TBC1D2: variants seen among roughly 807,000 people sequenced by gnomAD.
TBC1D2 encodes the protein TBC1 domain family member 2.
In TBC1D2, 58 loss-of-function variants were observed where a neutral mutation model predicts 91.1. The ratio of observed to expected loss-of-function variants is 0.64; its 90% CI spans 0.52 to 0.79. The LOEUF (loss-of-function observed/expected upper bound fraction) is 0.79, where lower values mean the gene tolerates loss of function less well. Ranked by LOEUF, TBC1D2 falls within the 30% of genes least tolerant of loss-of-function variation. The pLI is 0.00. For synonymous variants in TBC1D2, 482 were observed against 511.5 expected (o/e 0.94, Z 0.78); for missense variants, 1,080 against 1,208.3 (o/e 0.89, Z 1.57).
chr9:98,252,582 G>C (rs1288772553), intron 1 of TBC1D2, among the ~76,000 whole-genome samples: 1 of 152,182 alleles, frequency 6.6e-6, no homozygotes, highest in Non-Finnish European at 1.5e-5. Context: ...AATAACTCCT[G>C]GATTCTTCAG....
At chr9:98,254,109 G>A (rs1829925985) in intron 1 of TBC1D2, among the ~76,000 whole-genome samples, 1 of 152,166 alleles carries the variant, frequency 6.6e-6, no homozygotes, top group Non-Finnish European at 1.5e-5. Context: ...GTCAGTAAAG[G>A]AGAACTGAAC....
Position 98,233,553 on chromosome 9 carries a change from A to C in TBC1D2, c.648-4T>G. The C allele has an allele frequency of 6.2e-7, 1 of 1,613,852 alleles. No individual in the cohort carries two copies. Among genetic ancestry groups the C allele is most frequent in the Non-Finnish European group, 8.5e-7 (1 of 1,179,850 alleles). ...ACGGATGTTGTGCATTGTGTTCCTG[A>C]AAGGAGACAAGAACAGAGGAGCATG... On this transcript the variant is annotated splice_region_variant and splice_polypyrimidine_tract_variant and intron_variant, in intron 3 of 12. Coordinates refer to ENST00000465784, the MANE Select transcript of TBC1D2 (RefSeq NM_001267571.2).
chr9:98,200,377 G>A lies in TBC1D2; in HGVS notation c.2458-3C>T. 6.2e-7 allele frequency: 1 copy of A among 1,600,206 alleles called. No homozygotes were observed. The highest frequency in any genetic ancestry group is 1.3e-5 in the African/African-American group (1 of 74,906). ...GCCAAGGCATAGCGAAACACCACCT[G>A]GGGGTAGAGTGGGGGCTCAGGTAGG... On this transcript the variant is annotated splice_region_variant and splice_polypyrimidine_tract_variant and intron_variant, in intron 11 of 12. Coordinates refer to ENST00000465784, the MANE Select transcript of TBC1D2 (RefSeq NM_001267571.2).
intron 3 of TBC1D2, among the ~76,000 whole-genome samples, chr9:98,243,075 T>C (rs1245074757): frequency 6.6e-6 from 1 of 151,780 alleles, no homozygotes; most frequent in Admixed American, 6.6e-5. Flanking sequence ...CCACGACGCC[T>C]GGTCCATACT....
chr9:98,235,046 A>T lies in TBC1D2; in HGVS notation c.648-1497T>A, dbSNP rs543250134. On this transcript the variant is annotated intron_variant, in intron 3 of 12. Coordinates refer to ENST00000465784, the MANE Select transcript of TBC1D2 (RefSeq NM_001267571.2). ...TGGTGAAACCCCGTCTCTACTAAAA[A>T]TACAAAAATTAGCCGGGCGTGGTGG... 35 of 174,060 alleles carry T rather than the reference A, an allele frequency of 2.0e-4. No homozygotes were observed. In the South Asian group the frequency reaches 3.8e-3, roughly 19 times the overall value. 10.8% of individuals were successfully genotyped at this position (174,060 alleles called of 1,614,324 possible). A position where few individuals can be genotyped will look rare whatever the true frequency, so the allele number is the denominator to read the frequency against.
At chr9:98,208,130 G>A (rs957464399) in intron 9 of TBC1D2, among the ~76,000 whole-genome samples, 1 of 152,094 alleles carries the variant, frequency 6.6e-6, no homozygotes, top group African/African-American at 2.4e-5. Context: ...ACGTCCCCAA[G>A]CACAAATCAA....
chr9:98,224,155 C>T (rs1829168688), intron 5 of TBC1D2, among the ~76,000 whole-genome samples: 1 of 149,510 alleles, frequency 6.7e-6, no homozygotes, highest in South Asian at 2.1e-4. Flanking sequence ...TGAGATCGCA[C>T]CACTGCACTC....
chr9:98,206,525 C>T (rs1828659351), intron 9 of TBC1D2, among the ~76,000 whole-genome samples: 5 of 152,112 alleles, frequency 3.3e-5, no homozygotes, highest in Admixed American at 3.3e-4. Flanking sequence ...TTCTCTGCCC[C>T]TTCAGCACAG....
intron 4 of TBC1D2, among the ~76,000 whole-genome samples, chr9:98,230,750 G>A (rs1829347852): frequency 6.6e-6 from 1 of 152,010 alleles, no homozygotes; most frequent in African/African-American, 2.4e-5. Flanking sequence ...CGGCCAACAT[G>A]GTGAAACCCC....
At chr9:98,235,254 T>G in intron 3 of TBC1D2, 1 of 312,268 alleles carries the variant, frequency 3.2e-6, no homozygotes, top group Non-Finnish European at 6.4e-6. Flanking sequence ...TTTCGGAGCA[T>G]GTAGGAACTA....
At chr9:98,250,391 T>A (rs963877414) in intron 2 of TBC1D2, among the ~76,000 whole-genome samples, 3 of 151,998 alleles carry the variant, frequency 2.0e-5, no homozygotes, top group African/African-American at 7.2e-5. Flanking sequence ...GGTTCTGGCA[T>A]GGCCTCCACA....
chr9:98,237,149 C>T (rs914106547), intron 3 of TBC1D2, among the ~76,000 whole-genome samples: 1 of 151,832 alleles, frequency 6.6e-6, no homozygotes, highest in African/African-American at 2.4e-5. Flanking sequence ...CCAGCCTGGC[C>T]AACATAGTGA....
chr9:98,201,491 G>A lies in TBC1D2; in HGVS notation c.2445C>T (p.Tyr815=), dbSNP rs143801854. ...ILLRVWDAFL[Y]EGTKVVFRYA... is the part of the protein sequence containing the mutation. ...GGCTGCACCCTACCTTCGTCCCCTC[G>A]TACAGGAAGGCATCCCAGACCCGAA... is the stretch of plus-strand genomic sequence containing the variant. Residue 815 remains tyrosine (Y), a synonymous_variant, in exon 11 of 13, where the codon TAC becomes TAT. Coordinates refer to ENST00000465784, the MANE Select transcript of TBC1D2 (RefSeq NM_001267571.2). The A allele has an allele frequency of 1.7e-4, 280 of 1,613,758 alleles. No individual in the cohort carries two copies. Among genetic ancestry groups the A allele is most frequent in the Non-Finnish European group, 2.2e-4 (264 of 1,179,864 alleles).
intron 8 of TBC1D2, 125 bp downstream of exon 8, chr9:98,210,531 T>C (rs1015132038): frequency 3.3e-6 from 3 of 916,226 alleles, no homozygotes; most frequent in African/African-American, 3.4e-5. Flanking sequence ...CACTAATGCA[T>C]GTGAAGATCA....
At chr9:98,222,833 A>G (rs927791980) in intron 5 of TBC1D2, among the ~76,000 whole-genome samples, 25 of 152,244 alleles carry the variant, frequency 1.6e-4, no homozygotes, top group Admixed American at 1.5e-3. Context: ...ACAATTCTAT[A>G]TTGGAGGAAA....
rs371871374 is a variant in TBC1D2 at position 98,203,328 on chromosome 9, A to G, written c.2231T>C (p.Met744Thr). The G allele has an allele frequency of 2.5e-6, 4 of 1,614,132 alleles. No individual in the cohort carries two copies. The highest frequency in any genetic ancestry group is 2.7e-5 in the African/African-American group (2 of 74,946). ...CGTGTTGCAGTAGTAATCAGCGGGCATGATGGTCTCCACAATGGCCACCAG... is the reference window on the plus strand; with the variant it reads ...CGTGTTGCAGTAGTAATCAGCGGGCGTGATGGTCTCCACAATGGCCACCAG... ...WCLVAIVETI[M>T]PADYYCNTLT... Residue 744 changes from methionine to threonine, a missense_variant, in exon 10 of 13, where the codon ATG becomes ACG. Physicochemically the swap from Met to Thr is moderately conservative, Grantham distance 81. Transcript: ENST00000465784.
chr9:98,251,444 T>A (rs1176731644), intron 2 of TBC1D2, among the ~76,000 whole-genome samples: 1 of 152,180 alleles, frequency 6.6e-6, no homozygotes, highest in African/African-American at 2.4e-5. Context: ...AAGTATTGGG[T>A]TCTGACCATG....
chr9:98,213,351 T>C (rs1307824368), intron 6 of TBC1D2, 133 bp from the exon 7 acceptor site: 1 of 1,484,332 alleles, frequency 6.7e-7, no homozygotes, highest in East Asian at 2.5e-5. Flanking sequence ...GAAGAGGAAG[T>C]CTGAAAGAAA....
rs182291508 is a variant in TBC1D2 at position 98,226,655 on chromosome 9, C to A, written c.978+2297G>T. Among the ~76,000 whole-genome samples the A allele has an allele frequency of 7.0e-4, 107 of 152,322 alleles. 1 individual carries two copies. Among genetic ancestry groups the A allele is most frequent in the African/African-American group, 2.2e-3 (93 of 41,576 alleles). ...GGTTGGAGAGTAAACAAATCCACTC[C>A]TATTGCACAATAATTGGATAAACTA... On this transcript the variant is annotated intron_variant, in intron 5 of 12. Coordinates refer to ENST00000465784, the MANE Select transcript of TBC1D2 (RefSeq NM_001267571.2).
Sources: gnomAD v4.1 joint callset for allele counts (sites outside exome capture counted in the v4.1 genomes callset) on GRCh38, gnomAD v4.1.1 for gene constraint, MANE v1.5 for transcripts, NCBI Gene and HGNC (gene_info 2026-07-23, HGNC 2026-07-21) for gene names.